SMG7: variants seen among roughly 807,000 people sequenced by gnomAD.
The protein encoded by SMG7 is nonsense-mediated mRNA decay factor SMG7.
A neutral mutation model predicts 148.2 loss-of-function variants in SMG7; 34 were observed. The observed-to-expected ratio is 0.23, with a 90% CI of 0.17 to 0.31. The LOEUF (loss-of-function observed/expected upper bound fraction) is 0.31. Ranked by LOEUF, SMG7 falls within the 10% of genes least tolerant of loss-of-function variation. The probability of loss-of-function intolerance (pLI) is 1.00; values close to 1 mark genes in which losing one functional copy is unlikely to be tolerated. For synonymous variants in SMG7, 492 were observed against 515.1 expected (o/e 0.96, Z 0.61); for missense variants, 1,114 against 1,408.4 (o/e 0.79, Z 3.35).
chr1:183,529,642 G>A (rs1666518355), intron 8 of SMG7, 109 bp downstream of exon 8: 3 of 811,598 alleles, frequency 3.7e-6, no homozygotes, highest in Admixed American at 2.9e-5. Context: ...TGAACTATTG[G>A]TAAAAATTAT....
In SMG7 at chr1:183,544,245, A is replaced by C. The variant is rs1046596052; in HGVS notation, c.1843-108A>C. On this transcript the variant is annotated intron_variant, in intron 14 of 22. Transcript: ENST00000688051. ...GTGAATTTAAATATCTTCAGCATGT[A>C]CTTTTTGATCTAATGAGGTTTTAAA... is the stretch of plus-strand genomic sequence containing the variant. The C allele has an allele frequency of 9.1e-6, 7 of 767,674 alleles. No individual in the cohort carries two copies. The African/African-American group carries it at 1.2e-4, about 13-fold the overall frequency. 47.6% of individuals were successfully genotyped at this position (767,674 alleles called of 1,614,324 possible). A position where few individuals can be genotyped will look rare whatever the true frequency, so the allele number is the denominator to read the frequency against.
At chr1:183,536,912 A>G (rs2102678806) in intron 10 of SMG7, among the ~76,000 whole-genome samples, 1 of 152,294 alleles carries the variant, frequency 6.6e-6, no homozygotes, top group East Asian at 1.9e-4. Flanking sequence ...ATGGGAAATG[A>G]TCTACAGTGG....
intron 1 of SMG7, among the ~76,000 whole-genome samples, chr1:183,479,590 G>C (rs1015582374): frequency 4.6e-5 from 7 of 152,098 alleles, no homozygotes; most frequent in Non-Finnish European, 1.0e-4. Context: ...AGTTACCATA[G>C]GCAGACATTA....
chr1:183,533,064 C>T (rs1332179526), intron 8 of SMG7, 100 bp from the exon 9 acceptor site: 3 of 940,492 alleles, frequency 3.2e-6, no homozygotes, highest in Non-Finnish European at 4.9e-6. Flanking sequence ...AATTCTATTA[C>T]ACATGGTGGT....
At chr1:183,509,149 G>A (rs1399471529) in intron 1 of SMG7, among the ~76,000 whole-genome samples, 1 of 152,090 alleles carries the variant, frequency 6.6e-6, no homozygotes, top group Non-Finnish European at 1.5e-5. Flanking sequence ...GTGTGGCTGT[G>A]TTCCAATAAA....
chr1:183,532,554 A>T (rs1179747862), intron 8 of SMG7, among the ~76,000 whole-genome samples: 4 of 152,190 alleles, frequency 2.6e-5, no homozygotes, highest in African/African-American at 9.6e-5. Flanking sequence ...AGAGGGGAAA[A>T]TACCAGTTGA....
chr1:183,515,605 CTT>C (rs35057958), intron 2 of SMG7, among the ~76,000 whole-genome samples: 44 of 123,142 alleles, frequency 3.6e-4, no homozygotes, highest in Non-Finnish European at 4.7e-4. Flanking sequence ...GCAAACCATT[CTT>C]TTTTTTTTTT....
At chr1:183,523,588 C>T (rs989166345) in intron 4 of SMG7, among the ~76,000 whole-genome samples, 1 of 152,104 alleles carries the variant, frequency 6.6e-6, no homozygotes, top group Non-Finnish European at 1.5e-5. Context: ...GAAGGTAGGA[C>T]ATTGTTTTGT....
At chr1:183,530,781 A>G (rs1215524677) in intron 8 of SMG7, among the ~76,000 whole-genome samples, 2 of 152,146 alleles carry the variant, frequency 1.3e-5, no homozygotes, top group Admixed American at 6.6e-5. Context: ...GTGCAGTCCT[A>G]CTAAATAGGG....
intron 1 of SMG7, chr1:183,502,270 T>C (rs1557980066): frequency 8.5e-6 from 13 of 1,532,504 alleles, no homozygotes; most frequent in Non-Finnish European, 1.1e-5. Flanking sequence ...TAAACCATTC[T>C]ACCTTATGAG....
In SMG7 at chr1:183,550,720, T is replaced by C. The variant is rs765810963; in HGVS notation, c.3134-31T>C. On this transcript the variant is annotated intron_variant, in intron 20 of 22. Coordinates refer to ENST00000688051, the MANE Select transcript of SMG7 (RefSeq NM_001375584.1). Reference sequence around the variant, plus strand: ...TTTGTATGTTTGTGAAACAATGATTTACTATATCCTGTGTTGCTATTATTT... The same window carrying C: ...TTTGTATGTTTGTGAAACAATGATTCACTATATCCTGTGTTGCTATTATTT... The C allele has an allele frequency of 3.7e-6, 6 of 1,604,918 alleles. No homozygotes were observed. In the South Asian group the frequency reaches 6.6e-5, roughly 18 times the overall value.
chr1:183,527,203 A>G lies in SMG7; in HGVS notation c.484+436A>G, dbSNP rs1172960105. Among the ~76,000 whole-genome samples the G allele has an allele frequency of 1.3e-5, 2 of 152,300 alleles. No individual in the cohort carries two copies. Among genetic ancestry groups the G allele is most frequent in the African/African-American group, 4.8e-5 (2 of 41,570 alleles). Reference sequence around the variant, plus strand: ...AATTTTGCTTCCTTTTTAAAGTTTAATTTGTATTTCTATTATTTGCATTTT... The same window carrying G: ...AATTTTGCTTCCTTTTTAAAGTTTAGTTTGTATTTCTATTATTTGCATTTT... On this transcript the variant is annotated intron_variant, in intron 5 of 22. Coordinates refer to ENST00000688051, the MANE Select transcript of SMG7 (RefSeq NM_001375584.1). The surrounding 1 kb of genome is among the most constrained non-coding windows in gnomAD (Gnocchi z 4.0).
At chr1:183,481,512 T>C (rs1306462896) in intron 1 of SMG7, among the ~76,000 whole-genome samples, 12 of 152,200 alleles carry the variant, frequency 7.9e-5, no homozygotes, top group African/African-American at 2.9e-4. Context: ...TCAGCATCTT[T>C]TAAATGTACA....
chr1:183,495,602 G>T (rs1175771900), intron 1 of SMG7, among the ~76,000 whole-genome samples: 7 of 152,150 alleles, frequency 4.6e-5, no homozygotes, highest in Non-Finnish European at 8.8e-5. Context: ...CAAGCGAGGT[G>T]GCTCACGCCC....
At chr1:183,529,655 T>A (rs1666520212) in intron 8 of SMG7, 122 bp downstream of exon 8, 8 of 724,750 alleles carry the variant, frequency 1.1e-5, no homozygotes, top group Non-Finnish European at 1.8e-5. Flanking sequence ...AAAATTATAT[T>A]CGAAGTATGT....
chr1:183,523,077 A>G (rs1262397400), intron 4 of SMG7, among the ~76,000 whole-genome samples: 1 of 152,220 alleles, frequency 6.6e-6, no homozygotes, highest in Non-Finnish European at 1.5e-5. Flanking sequence ...AAGACATACC[A>G]TTCTGCTGTA....
chr1:183,545,410 T>C (rs1023194976), intron 16 of SMG7, 98 bp downstream of exon 16: 1 of 1,357,490 alleles, frequency 7.4e-7, no homozygotes, highest in Non-Finnish European at 1.0e-6. Flanking sequence ...GACATACTTC[T>C]TGCTTAGATT....
chr1:183,535,926 A>G (rs569403882), intron 10 of SMG7, among the ~76,000 whole-genome samples: 1 of 152,086 alleles, frequency 6.6e-6, no homozygotes, highest in South Asian at 2.1e-4. Flanking sequence ...GGTTTGTAGC[A>G]GACGTTTATT....
intron 10 of SMG7, among the ~76,000 whole-genome samples, chr1:183,535,203 T>C (rs369610751): frequency 1.2e-4 from 18 of 152,168 alleles, no homozygotes; most frequent in African/African-American, 7.2e-5. Flanking sequence ...TATTTATGGG[T>C]AGGAATTGTT....
Sources: gnomAD v4.1 joint callset for allele counts (sites outside exome capture counted in the v4.1 genomes callset) on GRCh38, gnomAD v4.1.1 for gene constraint, Gnocchi (gnomAD v3.1) non-coding constraint, MANE v1.5 for transcripts, NCBI Gene and HGNC (gene_info 2026-07-23, HGNC 2026-07-21) for gene names.